KHDRBS2: variants seen among roughly 807,000 people sequenced by gnomAD.
The protein encoded by KHDRBS2 is KH RNA binding domain containing, signal transduction associated 2, also known as KH domain-containing, RNA-binding, signal transduction-associated protein 2.
In KHDRBS2, 26 loss-of-function variants were observed where a neutral mutation model predicts 44.3. That is an observed-to-expected ratio of 0.59 (90% CI 0.43 to 0.81). The LOEUF (loss-of-function observed/expected upper bound fraction) is 0.81, where lower values mean the gene tolerates loss of function less well. KHDRBS2 is among the 40% of genes least tolerant of loss of function. KHDRBS2 has a pLI of 0.00. For synonymous variants in KHDRBS2, 194 were observed against 151.1 expected, an observed-to-expected ratio of 1.28 and a Z score of -2.08; for missense variants, 476 against 433.1, an observed-to-expected ratio of 1.10 and a Z score of -0.88.
At chr6:61,599,593 G>A in the KHDRBS2 span, among the ~76,000 whole-genome samples, 2 of 152,178 alleles carry the variant, frequency 1.3e-5, no homozygotes, top group Non-Finnish European at 2.9e-5. Context: ...AATTTATGGA[G>A]GGTTGGCAGT....
intron 6 of KHDRBS2, among the ~76,000 whole-genome samples, chr6:61,861,001 G>T (rs140752886): frequency 6.6e-6 from 1 of 152,050 alleles, no homozygotes; most frequent in East Asian, 1.9e-4. Context: ...TATGTTTGTT[G>T]TCTGCATGTA....
the KHDRBS2 span, among the ~76,000 whole-genome samples, chr6:61,544,658 T>C: frequency 6.6e-6 from 1 of 152,204 alleles, no homozygotes; most frequent in African/African-American, 2.4e-5. Flanking sequence ...GATAAGAGGC[T>C]CAGTAAGGAG....
chr6:61,834,839 A>C (rs574503762), intron 6 of KHDRBS2, among the ~76,000 whole-genome samples: 1 of 152,156 alleles, frequency 6.6e-6, no homozygotes, highest in East Asian at 1.9e-4. Context: ...ATTTTCGGTC[A>C]AGCTTACTTA....
At chr6:62,099,144 G>C (rs1350548971) in intron 2 of KHDRBS2, among the ~76,000 whole-genome samples, 2 of 152,020 alleles carry the variant, frequency 1.3e-5, no homozygotes, top group African/African-American at 2.4e-5. Context: ...TCAGTATCCG[G>C]TACCTTATTA....
intron 8 of KHDRBS2, among the ~76,000 whole-genome samples, chr6:61,685,603 C>T (rs770587970): frequency 6.6e-6 from 1 of 151,752 alleles, no homozygotes; most frequent in African/African-American, 2.4e-5. Context: ...TTACAGACTG[C>T]CTAGAGTGCA....
At chr6:61,862,749 G>C (rs1234654022) in intron 6 of KHDRBS2, among the ~76,000 whole-genome samples, 1 of 152,010 alleles carries the variant, frequency 6.6e-6, no homozygotes. Flanking sequence ...TTTTGGCATT[G>C]ATGTTCATCA....
At chr6:62,103,010 G>C (rs945308803) in intron 2 of KHDRBS2, among the ~76,000 whole-genome samples, 2 of 152,136 alleles carry the variant, frequency 1.3e-5, no homozygotes, top group African/African-American at 4.8e-5. Context: ...AGTTGTACCT[G>C]ATTCTGACTG....
At chr6:61,595,871 G>T in the KHDRBS2 span, among the ~76,000 whole-genome samples, 3 of 151,578 alleles carry the variant, frequency 2.0e-5, no homozygotes, top group Admixed American at 2.0e-4. Flanking sequence ...AACATAACAT[G>T]ACTTTAATAT....
chr6:61,813,632 T>C (rs1336224700), intron 6 of KHDRBS2, among the ~76,000 whole-genome samples: 1 of 152,196 alleles, frequency 6.6e-6, no homozygotes, highest in Non-Finnish European at 1.5e-5. Flanking sequence ...GGTATAGTTC[T>C]TCTGTTTTAT....
At chr6:62,164,837 A>T (rs1818349351) in intron 2 of KHDRBS2, among the ~76,000 whole-genome samples, 1 of 151,906 alleles carries the variant, frequency 6.6e-6, no homozygotes, top group South Asian at 2.1e-4. Context: ...ATCATTATTG[A>T]TTATAATCCA....
At position 61,945,926 on chromosome 6, in the gene KHDRBS2, G is replaced by A. The variant is rs145361434; in HGVS notation, c.483+32140C>T. Reference sequence around the variant, plus strand: ...AAATGCCACAGTCCAGGTAAATAAAGAACTAGTAAGTCTTGCATTATAAAT... The same window carrying A: ...AAATGCCACAGTCCAGGTAAATAAAAAACTAGTAAGTCTTGCATTATAAAT... On this transcript the variant is annotated intron_variant, in intron 4 of 8. Coordinates refer to ENST00000281156, the MANE Select transcript of KHDRBS2 (RefSeq NM_152688.4). 3.0e-3 allele frequency among the ~76,000 whole-genome samples: 453 copies of A among 152,218 alleles called. 3 individuals carry two copies. The highest frequency in any genetic ancestry group is 0.011 in the African/African-American group (437 of 41,524).
chr6:61,757,862 T>C (rs1179409983), intron 6 of KHDRBS2, among the ~76,000 whole-genome samples: 1 of 152,108 alleles, frequency 6.6e-6, no homozygotes, highest in East Asian at 1.9e-4. Flanking sequence ...TAACGAAAGG[T>C]GTTTTCCAGT....
chr6:62,106,408 G>A (rs561229285), intron 2 of KHDRBS2, among the ~76,000 whole-genome samples: 1 of 152,152 alleles, frequency 6.6e-6, no homozygotes, highest in South Asian at 2.1e-4. Flanking sequence ...TATTGTGTGG[G>A]AGTCTAAGTC....
intron 6 of KHDRBS2, among the ~76,000 whole-genome samples, chr6:61,848,090 A>G (rs1230254157): frequency 6.6e-6 from 1 of 151,956 alleles, no homozygotes; most frequent in Non-Finnish European, 1.5e-5. Flanking sequence ...TAGCTCCTGC[A>G]GTTCAGTTTA....
intron 2 of KHDRBS2, among the ~76,000 whole-genome samples, chr6:62,057,514 A>T (rs1790568609): frequency 6.6e-6 from 1 of 151,966 alleles, no homozygotes. Context: ...CCTTCAAACA[A>T]AACCAATTGA....
chr6:62,018,160 TGA>T (rs1232608194), intron 3 of KHDRBS2, among the ~76,000 whole-genome samples: 1 of 150,658 alleles, frequency 6.6e-6, no homozygotes, highest in Admixed American at 6.6e-5. Context: ...CTTTTTTTTT[TGA>T]GACGGAGTCT....
At chr6:61,741,976 C>T (rs184434278) in intron 6 of KHDRBS2, among the ~76,000 whole-genome samples, 168 of 151,748 alleles carry the variant, frequency 1.1e-3, no homozygotes, top group African/African-American at 3.9e-3. Flanking sequence ...CAATAAAATA[C>T]ATAAATTAAG....
chr6:61,711,742 A>T (rs778476978), intron 7 of KHDRBS2, among the ~76,000 whole-genome samples: 7 of 151,866 alleles, frequency 4.6e-5, no homozygotes, highest in South Asian at 4.1e-4. Context: ...CACTAGGACC[A>T]CTGGAATGGT....
chr6:61,708,020 G>A (rs1769874619), intron 7 of KHDRBS2, among the ~76,000 whole-genome samples: 1 of 151,506 alleles, frequency 6.6e-6, no homozygotes, highest in Admixed American at 6.6e-5. Context: ...CCAGCATTTG[G>A]TGCACATATT....
Sources: gnomAD v4.1 joint callset for allele counts (sites outside exome capture counted in the v4.1 genomes callset) on GRCh38, gnomAD v4.1.1 for gene constraint, MANE v1.5 for transcripts, NCBI Gene and HGNC (gene_info 2026-07-23, HGNC 2026-07-21) for gene names.